Variants in ERC2 observed in about 807,000 individuals in gnomAD.
The protein encoded by ERC2 is ERC protein 2.
In ERC2, 42 loss-of-function variants were observed where a neutral mutation model predicts 114.8. The observed-to-expected ratio is 0.37, with a 90% CI of 0.29 to 0.47. The LOEUF (loss-of-function observed/expected upper bound fraction) is 0.47, where lower values mean the gene tolerates loss of function less well. Among genes scored for constraint, ERC2 ranks in the 20% least tolerant of loss-of-function variants. The probability of loss-of-function intolerance (pLI) is 0.99; values close to 1 mark genes in which losing one functional copy is unlikely to be tolerated. For synonymous variants in ERC2, 454 were observed against 425.5 expected, an observed-to-expected ratio of 1.07 and a Z score of -0.82; for missense variants, 939 against 1,150.7, an observed-to-expected ratio of 0.82 and a Z score of 2.66.
chr3:56,327,673 C>CTCAA (rs1022727411), intron 2 of ERC2, among the ~76,000 whole-genome samples: 11 of 152,220 alleles, frequency 7.2e-5, no homozygotes, highest in South Asian at 6.2e-4. Context: ...AAGACTCCAT[C>CTCAA]TCAATCAATC....
chr3:55,639,859 T>C (rs559245062), intron 17 of ERC2, among the ~76,000 whole-genome samples: 9 of 152,306 alleles, frequency 5.9e-5, no homozygotes, highest in African/African-American at 2.2e-4. Context: ...GTGTTGCCGA[T>C]GAGTTTATCA....
chr3:56,007,245 G>T lies in ERC2; in HGVS notation c.1997C>A (p.Ser666Tyr), dbSNP rs2072565778. ...AGLKRDSKLKSLEIAIEQKKE... is the reference protein window; with the variant it reads ...AGLKRDSKLKYLEIAIEQKKE... The stretch of plus-strand genomic sequence containing the variant: ...CTTTTGTTCAATGGCTATTTCTAGA[G>T]ATTTTAATTTGGAATCCCTTTTCAG... Residue 666 changes from serine (S) to tyrosine (Y), a missense_variant, in exon 10 of 18, where the codon TCT becomes TAT. Physicochemically the swap from Ser to Tyr is moderately radical, Grantham distance 144. Around this residue, in one of 5 missense-constraint regions of ERC2, gnomAD observed 149 missense variants for 254.6 expected, o/e 0.59. Transcript: ENST00000288221. The T allele has an allele frequency of 6.3e-7, 1 of 1,587,662 alleles. No homozygotes were observed. Among genetic ancestry groups the T allele is most frequent in the Non-Finnish European group, 8.6e-7 (1 of 1,165,648 alleles).
Position 56,311,231 on chromosome 3 carries a change from TTC to T in ERC2, c.658-14798_658-14797del, listed in dbSNP as rs370683995. The stretch of plus-strand genomic sequence containing the variant: ...CAGTGTTCTTGGGATATCCATCATC[TTC>T]TCTCTCTCTCTCTCTCTCTCTCTAT... On this transcript the variant is annotated intron_variant, in intron 2 of 17. Coordinates refer to ENST00000288221, the MANE Select transcript of ERC2 (RefSeq NM_015576.3). Among the ~76,000 whole-genome samples the T allele has an allele frequency of 9.3e-3, 896 of 96,276 alleles. 37 individuals carry two copies. The highest frequency in any genetic ancestry group is 0.038 in the African/African-American group (771 of 20,190). 63.2% of individuals were successfully genotyped at this position (96,276 alleles called of 152,430 possible).
At chr3:56,150,832 A>G (rs1170980124) in intron 4 of ERC2, among the ~76,000 whole-genome samples, 3 of 152,068 alleles carry the variant, frequency 2.0e-5, no homozygotes, top group African/African-American at 4.8e-5. Flanking sequence ...TGAAGCTCTA[A>G]CCCTCAATGT....
chr3:56,237,861 T>C (rs2123184), intron 3 of ERC2, among the ~76,000 whole-genome samples: 32,831 of 150,342 alleles, frequency 0.22, 4,192 homozygotes, highest in East Asian at 0.53. Context: ...TTATACCCTA[T>C]TTAAATGATT....
chr3:56,341,462 T>G (rs1352566924), intron 2 of ERC2, among the ~76,000 whole-genome samples: 10 of 152,160 alleles, frequency 6.6e-5, no homozygotes, highest in Admixed American at 3.9e-4. Context: ...AGCTTCCTGT[T>G]AGCATGAGAG....
chr3:56,232,630 C>T (rs947264051), intron 3 of ERC2, among the ~76,000 whole-genome samples: 2 of 152,206 alleles, frequency 1.3e-5, no homozygotes, highest in African/African-American at 4.8e-5. Context: ...CAACCAGCAA[C>T]CCAAAGAAAA....
At position 55,828,528 on chromosome 3, in the gene ERC2, G is replaced by A. The variant is rs995377458; in HGVS notation, c.2564+59861C>T. Among the ~76,000 whole-genome samples, 7 of 148,740 alleles carry A rather than the reference G, an allele frequency of 4.7e-5. No homozygotes were observed. In the South Asian group the frequency reaches 6.3e-4, roughly 13 times the overall value. On this transcript the variant is annotated intron_variant, in intron 14 of 17. Transcript: ENST00000288221. Reference sequence around the variant, plus strand: ...CAGTTAAACCCCCAAGAAAAATCCCGTCCTTCTATTAGAGGACTGCAAAAG... The same window carrying A: ...CAGTTAAACCCCCAAGAAAAATCCCATCCTTCTATTAGAGGACTGCAAAAG...
At chr3:56,357,810 T>G (rs2058801401) in intron 2 of ERC2, among the ~76,000 whole-genome samples, 1 of 149,078 alleles carries the variant, frequency 6.7e-6, no homozygotes, top group African/African-American at 2.5e-5. Flanking sequence ...AACATAATTT[T>G]TAAAAGTCTA....
intron 6 of ERC2, among the ~76,000 whole-genome samples, chr3:56,081,192 T>TA (rs1576847376): frequency 7.5e-5 from 7 of 92,892 alleles, no homozygotes; most frequent in East Asian, 8.7e-4. Flanking sequence ...TAGTGATACT[T>TA]TAAAAAAAAA....
intron 12 of ERC2, among the ~76,000 whole-genome samples, chr3:55,983,103 C>A (rs553857374): frequency 2.6e-5 from 4 of 152,274 alleles, no homozygotes; most frequent in African/African-American, 9.6e-5. Context: ...CCAAAGATGG[C>A]TCCCTCTTCT....
chr3:55,759,046 T>C (rs1448957350), intron 14 of ERC2, among the ~76,000 whole-genome samples: 1 of 152,196 alleles, frequency 6.6e-6, no homozygotes, highest in African/African-American at 2.4e-5. Context: ...AATTTTAATT[T>C]GGAATAAATT....
rs751236844 is a variant in ERC2 at position 55,710,039 on chromosome 3, A to T, written c.2713-10527T>A. ...TGGCAGGCGATTGTTCCAAATACCA[A>T]CTCTCTGCCACATCTCCTCAGGTGT... On this transcript the variant is annotated intron_variant, in intron 15 of 17. Coordinates refer to ENST00000288221, the MANE Select transcript of ERC2 (RefSeq NM_015576.3). 6.6e-5 allele frequency among the ~76,000 whole-genome samples: 10 copies of T among 151,846 alleles called. No individual in the cohort carries two copies. The South Asian group carries it at 1.9e-3, about 28-fold the overall frequency.
At chr3:56,325,781 A>G (rs980153365) in intron 2 of ERC2, among the ~76,000 whole-genome samples, 5 of 152,198 alleles carry the variant, frequency 3.3e-5, no homozygotes, top group African/African-American at 9.6e-5. Flanking sequence ...TGAAGTGGGT[A>G]TGATTACCAT....
chr3:55,661,755 G>T (rs904343454), intron 17 of ERC2, among the ~76,000 whole-genome samples: 11 of 152,076 alleles, frequency 7.2e-5, no homozygotes, highest in Admixed American at 5.2e-4. Flanking sequence ...TCTCAACACA[G>T]CACAGTCATT....
chr3:56,326,634 G>A (rs1032114577), intron 2 of ERC2, among the ~76,000 whole-genome samples: 6 of 152,126 alleles, frequency 3.9e-5, no homozygotes, highest in Non-Finnish European at 5.9e-5. Flanking sequence ...CCTTATCAAG[G>A]TCACCAACTT....
At chr3:55,922,064 A>G (rs2065462955) in intron 13 of ERC2, among the ~76,000 whole-genome samples, 1 of 152,154 alleles carries the variant, frequency 6.6e-6, no homozygotes. Flanking sequence ...TACCTCCTCC[A>G]GTCACTTAGT....
rs934917651 is a variant in ERC2 at position 55,954,070 on chromosome 3, G to A, written c.2268-3510C>T. ...GCAAGGCTCTGCAAGAGACTGACTT[G>A]CTCCATTATTTAAAAAAAAAAAAAA... On this transcript the variant is annotated intron_variant, in intron 12 of 17. Coordinates refer to ENST00000288221, the MANE Select transcript of ERC2 (RefSeq NM_015576.3). Among the ~76,000 whole-genome samples the A allele has an allele frequency of 7.8e-5, 8 of 102,258 alleles. No homozygotes were observed. In the East Asian group the frequency reaches 1.9e-3, roughly 25 times the overall value. The allele number at this position is 102,258 out of a possible 152,430, so 67.1% of individuals were successfully genotyped here. A position where few individuals can be genotyped will look rare whatever the true frequency, so the allele number is the denominator to read the frequency against.
chr3:55,900,318 A>G (rs767468633), intron 13 of ERC2, among the ~76,000 whole-genome samples: 5 of 152,122 alleles, frequency 3.3e-5, no homozygotes, highest in Non-Finnish European at 5.9e-5. Flanking sequence ...TTGTTATTAT[A>G]ATTTTGTTTC....
Sources: gnomAD v4.1 joint callset for allele counts (sites outside exome capture counted in the v4.1 genomes callset) on GRCh38, gnomAD v4.1.1 for gene constraint, gnomAD v4.1.1 regional missense constraint, MANE v1.5 for transcripts, NCBI Gene and HGNC (gene_info 2026-07-23, HGNC 2026-07-21) for gene names.